The following MDGA2 variants were observed in gnomAD, a reference collection of about 807,000 sequenced individuals.
The protein encoded by MDGA2 is MAM domain-containing glycosylphosphatidylinositol anchor protein 2.
Under a neutral mutation model 117.8 loss-of-function variants are expected in MDGA2, and 40 were observed. That is an observed-to-expected ratio of 0.34 (90% CI 0.26 to 0.44). MDGA2 has a LOEUF of 0.44. Among genes scored for constraint, MDGA2 ranks in the 20% least tolerant of loss-of-function variants. MDGA2 has a pLI of 1.00. For missense variants in MDGA2, 1,123 were observed against 1,250.6 expected (o/e 0.90, Z 1.54); for synonymous variants, 452 against 439.0 (o/e 1.03, Z -0.37).
chr14:47,136,215 T>C (rs1882447688), intron 4 of MDGA2, among the ~76,000 whole-genome samples: 1 of 143,780 alleles, frequency 7.0e-6, no homozygotes, highest in African/African-American at 2.6e-5. Flanking sequence ...TTTTTTTTTT[T>C]TGAGACATAG....
intron 1 of MDGA2, among the ~76,000 whole-genome samples, chr14:47,572,076 T>C (rs142578264): frequency 9.3e-4 from 142 of 152,338 alleles, no homozygotes; most frequent in Non-Finnish European, 1.7e-3. Flanking sequence ...TAGCATGTCT[T>C]CCATGTCTGT....
intron 10 of MDGA2, among the ~76,000 whole-genome samples, chr14:46,910,040 TAA>T (rs201425218): frequency 0.013 from 2,043 of 152,256 alleles, 40 homozygotes; most frequent in African/African-American, 0.046. Flanking sequence ...TCCATCTCAA[TAA>T]GAGTTAATTT....
In MDGA2 at chr14:46,952,150, C is replaced by T. The variant is rs955755768; in HGVS notation, c.2089+5224G>A. Among the ~76,000 whole-genome samples, 5 of 151,556 alleles carry T rather than the reference C, an allele frequency of 3.3e-5. No individual in the cohort carries two copies. In the East Asian group the frequency reaches 9.7e-4, roughly 29 times the overall value. ...AGGAAACTTAAATATATAATAAATG[C>T]AATTTAATCTTCTTAAAATAAAATC... On this transcript the variant is annotated intron_variant, in intron 9 of 16. Transcript: ENST00000399232.
Position 47,097,021 on chromosome 14 carries a change from G to A in MDGA2, c.1028C>T (p.Ser343Phe), listed in dbSNP as rs754915951. 1.2e-6 allele frequency: 2 copies of A among 1,613,372 alleles called. No individual in the cohort carries two copies. The highest frequency in any genetic ancestry group is 2.2e-5 in the South Asian group (2 of 91,076). ...CVTTGGEPAPSLTWVRSFGTL... is the reference protein window; with the variant it reads ...CVTTGGEPAPFLTWVRSFGTL... ...CCCAAAGGACCTGACCCAGGTGAGAGAAGGTGCAGGCTCTCCTCCTGTTGT... is the reference window on the plus strand; with the variant it reads ...CCCAAAGGACCTGACCCAGGTGAGAAAAGGTGCAGGCTCTCCTCCTGTTGT... The change falls in exon 6 of 17, where the codon TCT (serine) becomes TTT (phenylalanine). Residue 343 changes from serine (S) to phenylalanine (F), a missense_variant. By Grantham distance (155) the Ser-to-Phe change is radical (BLOSUM62 -2). Around this residue, in one of 2 missense-constraint regions of MDGA2, gnomAD observed 890 missense variants for 1,050.3 expected, o/e 0.85. Coordinates refer to ENST00000399232, the MANE Select transcript of MDGA2 (RefSeq NM_001113498.3).
chr14:47,053,305 A>C (rs1335739324), intron 7 of MDGA2, among the ~76,000 whole-genome samples: 1 of 151,560 alleles, frequency 6.6e-6, no homozygotes, highest in East Asian at 1.9e-4. Flanking sequence ...ATTACTTGTG[A>C]AGTCTATGTT....
intron 9 of MDGA2, among the ~76,000 whole-genome samples, chr14:46,947,837 T>TA (rs373992594): frequency 0.029 from 4,347 of 150,900 alleles, 218 homozygotes; most frequent in African/African-American, 0.099. Context: ...CTTTCTAATT[T>TA]AAAAAAAAAA....
chr14:47,204,945 G>A (rs964093996), intron 3 of MDGA2, among the ~76,000 whole-genome samples: 1 of 151,786 alleles, frequency 6.6e-6, no homozygotes, highest in Non-Finnish European at 1.5e-5. Context: ...AAATTGGAGT[G>A]GCCTAAGTCA....
At chr14:46,842,347 G>A (rs1880650442) in intron 16 of MDGA2, among the ~76,000 whole-genome samples, 1 of 152,024 alleles carries the variant, frequency 6.6e-6, no homozygotes, top group Admixed American at 6.6e-5. Context: ...CAGGAACATG[G>A]AGAAAATTAT....
intron 1 of MDGA2, among the ~76,000 whole-genome samples, chr14:47,569,311 G>T (rs1026652443): frequency 6.6e-6 from 1 of 152,150 alleles, no homozygotes; most frequent in African/African-American, 2.4e-5. Flanking sequence ...CCACAATTTT[G>T]TTCATGCATC....
At chr14:46,859,775 GATA>G (rs1237941113) in intron 14 of MDGA2, among the ~76,000 whole-genome samples, 1 of 151,904 alleles carries the variant, frequency 6.6e-6, no homozygotes, top group African/African-American at 2.4e-5. Flanking sequence ...TTTGATTACA[GATA>G]ATGATATAAA....
chr14:47,660,462 A>G (rs776031362), intron 1 of MDGA2, among the ~76,000 whole-genome samples: 3 of 152,300 alleles, frequency 2.0e-5, no homozygotes, highest in Non-Finnish European at 2.9e-5. Context: ...CCTAAAACAA[A>G]TCACTAAACT....
At chr14:47,373,000 C>T (rs1201708518) in intron 1 of MDGA2, among the ~76,000 whole-genome samples, 3 of 151,742 alleles carry the variant, frequency 2.0e-5, no homozygotes, top group Non-Finnish European at 2.9e-5. Flanking sequence ...CCAGTATTAT[C>T]CCATTTTTAA....
intron 8 of MDGA2, among the ~76,000 whole-genome samples, chr14:47,007,224 A>G (rs1357041390): frequency 6.6e-6 from 1 of 151,862 alleles, no homozygotes; most frequent in Non-Finnish European, 1.5e-5. Flanking sequence ...CCTGATGGTG[A>G]ATAATGTTAT....
intron 1 of MDGA2, among the ~76,000 whole-genome samples, chr14:47,548,905 G>A (rs1895518828): frequency 6.6e-6 from 1 of 152,112 alleles, no homozygotes; most frequent in Non-Finnish European, 1.5e-5. Context: ...ACTTCAGACA[G>A]CAACAATGTT....
At chr14:47,612,566 T>C (rs775213963) in intron 1 of MDGA2, among the ~76,000 whole-genome samples, 8 of 152,204 alleles carry the variant, frequency 5.3e-5, no homozygotes, top group Non-Finnish European at 7.3e-5. Context: ...CAAGGTGATC[T>C]GTCTTTCAAC....
At chr14:47,305,511 C>A (rs1889413823) in intron 1 of MDGA2, among the ~76,000 whole-genome samples, 1 of 152,194 alleles carries the variant, frequency 6.6e-6, no homozygotes, top group African/African-American at 2.4e-5. Flanking sequence ...AAAAGAGAGA[C>A]ATTCTTTTAT....
chr14:47,665,516 TG>T (rs775756180), intron 1 of MDGA2, among the ~76,000 whole-genome samples: 6 of 152,008 alleles, frequency 3.9e-5, no homozygotes, highest in Non-Finnish European at 7.4e-5. Context: ...CCTCGGCTTG[TG>T]GGGAGGTGTG....
intron 1 of MDGA2, among the ~76,000 whole-genome samples, chr14:47,333,145 T>A (rs1363824187): frequency 6.6e-6 from 1 of 151,956 alleles, no homozygotes; most frequent in Non-Finnish European, 1.5e-5. Flanking sequence ...TGATTTCCTT[T>A]GCATATATAA....
intron 8 of MDGA2, among the ~76,000 whole-genome samples, chr14:46,977,889 A>G (rs1478148368): frequency 6.6e-6 from 1 of 151,978 alleles, no homozygotes; most frequent in East Asian, 1.9e-4. Flanking sequence ...TTAGGCCAAA[A>G]AAGTAGATAA....
Sources: gnomAD v4.1 joint callset for allele counts (sites outside exome capture counted in the v4.1 genomes callset) on GRCh38, gnomAD v4.1.1 for gene constraint, gnomAD v4.1.1 regional missense constraint, MANE v1.5 for transcripts, NCBI Gene and HGNC (gene_info 2026-07-23, HGNC 2026-07-21) for gene names.